The following SYT6 variants were observed in gnomAD, a reference collection of about 807,000 sequenced individuals.
The protein encoded by SYT6 is synaptotagmin-6.
In SYT6, 24 loss-of-function variants were observed where a neutral mutation model predicts 38.4. The observed-to-expected ratio is 0.62, with a 90% CI of 0.45 to 0.88. SYT6 has a LOEUF of 0.88. SYT6 is among the 40% of genes least tolerant of loss of function. The pLI is 0.00. For missense variants in SYT6, 611 were observed against 621.0 expected, an observed-to-expected ratio of 0.98 and a Z score of 0.17; for synonymous variants, 265 against 241.9, an observed-to-expected ratio of 1.10 and a Z score of -0.89.
rs576443917 is a variant in SYT6 at position 114,139,734 on chromosome 1, G to A, written c.393C>T (p.Ala131=). 469 of 1,614,118 alleles carry A rather than the reference G, an allele frequency of 2.9e-4. 4 individuals carry two copies. In the South Asian group the frequency reaches 4.5e-3, roughly 15 times the overall value. The change falls in exon 2 of 8, where the codon GCC becomes GCT. Residue 131 remains alanine, a synonymous_variant. Transcript: ENST00000610222. ...CTGGGGACGTGTGGCTGATCTTCAC[G>A]GCCGCCTCCAGGAAGCCCAGGGTGC... ...DPSTLGFLEA[A]VKISHTSPDI...
chr1:114,100,572 C>T (rs1200108941), intron 4 of SYT6, among the ~76,000 whole-genome samples: 2 of 152,228 alleles, frequency 1.3e-5, no homozygotes, highest in African/African-American at 2.4e-5. Flanking sequence ...AGTAGCTATG[C>T]CTTAACCATG....
At chr1:114,102,306 G>A (rs142145615) in intron 4 of SYT6, among the ~76,000 whole-genome samples, 1 of 152,328 alleles carries the variant, frequency 6.6e-6, no homozygotes, top group African/African-American at 2.4e-5. Context: ...GAAGAGGTCC[G>A]TTAATCTCTT....
At chr1:114,112,497 T>C (rs576622401) in intron 3 of SYT6, among the ~76,000 whole-genome samples, 5 of 152,312 alleles carry the variant, frequency 3.3e-5, no homozygotes, top group African/African-American at 1.2e-4. Flanking sequence ...CAGAACACAC[T>C]GGGAGGTGCA....
At chr1:114,120,070 C>CA (rs34846994) in intron 3 of SYT6, among the ~76,000 whole-genome samples, 63,404 of 121,606 alleles carry the variant, frequency 0.52, 14,527 homozygotes, top group African/African-American at 0.59. Context: ...GACTCTGTCT[C>CA]AAAAAAAAAA....
chr1:114,122,473 A>G (rs775208353), intron 3 of SYT6, among the ~76,000 whole-genome samples: 4 of 124,982 alleles, frequency 3.2e-5, no homozygotes, highest in Admixed American at 8.3e-5. Context: ...TGGACACAGC[A>G]TGTACATTTG....
At chr1:114,135,864 G>C (rs1322382548) in intron 3 of SYT6, among the ~76,000 whole-genome samples, 3 of 152,184 alleles carry the variant, frequency 2.0e-5, no homozygotes, top group Non-Finnish European at 4.4e-5. Flanking sequence ...TTCTCTACCT[G>C]TCCAGTTACC....
At chr1:114,146,248 T>C (rs978852245) in intron 1 of SYT6, among the ~76,000 whole-genome samples, 4 of 152,170 alleles carry the variant, frequency 2.6e-5, no homozygotes, top group Admixed American at 2.0e-4. Context: ...GAGGTGACTG[T>C]AGAAGATTCA....
At position 114,103,519 on chromosome 1, in the gene SYT6, A is replaced by G. The variant is rs898032533; in HGVS notation, c.1192+82T>C. The G allele has an allele frequency of 9.4e-5, 147 of 1,565,248 alleles. 1 individual carries two copies. Among genetic ancestry groups the G allele is most frequent in the Admixed American group, 3.9e-4 (22 of 56,154 alleles). ...GTGCTTCTATTCTAAGAATGCTGAC[A>G]ATTCTTTCTCCTTCTCCCCGAACAC... On this transcript the variant is annotated intron_variant, in intron 4 of 7. Transcript: ENST00000610222.
chr1:114,140,270 C>T (rs919390163), intron 1 of SYT6, among the ~76,000 whole-genome samples: 1 of 151,680 alleles, frequency 6.6e-6, no homozygotes, highest in Non-Finnish European at 1.5e-5. Context: ...TCTCTACTGG[C>T]TATTGGCACG....
In SYT6 at chr1:114,091,954, T is replaced by C. The variant is rs1675327478; in HGVS notation, c.*180A>G. 1 of 1,519,000 alleles carries C rather than the reference T, an allele frequency of 6.6e-7. No individual in the cohort carries two copies. The highest frequency in any genetic ancestry group is 8.8e-7 in the Non-Finnish European group (1 of 1,131,328). The allele number at this position is 1,519,000 out of a possible 1,614,324, so 94.1% of individuals were successfully genotyped here. On this transcript the variant is annotated 3_prime_UTR_variant, in exon 8 of 8. Coordinates refer to ENST00000610222, the MANE Select transcript of SYT6 (RefSeq NM_001253772.2). Reference sequence around the variant, plus strand: ...GACTGCACAACACTGTTTAGACGGTTGAACAAGTGCAAAGAGAACATTGCT... The same window carrying C: ...GACTGCACAACACTGTTTAGACGGTCGAACAAGTGCAAAGAGAACATTGCT...
chr1:114,134,785 G>A (rs1678378800), intron 3 of SYT6, among the ~76,000 whole-genome samples: 2 of 152,212 alleles, frequency 1.3e-5, no homozygotes, highest in Admixed American at 1.3e-4. Flanking sequence ...AATGGAATCA[G>A]ACACATGGGA....
chr1:114,124,045 T>C (rs1173801436), intron 3 of SYT6, among the ~76,000 whole-genome samples: 2 of 152,208 alleles, frequency 1.3e-5, no homozygotes, highest in East Asian at 1.9e-4. Context: ...ACTGGGAGGG[T>C]TGAGATAGAA....
intron 3 of SYT6, among the ~76,000 whole-genome samples, chr1:114,116,586 T>C (rs1171947462): frequency 6.6e-6 from 1 of 151,956 alleles, no homozygotes; most frequent in Admixed American, 6.6e-5. Context: ...CTTGGGAGAG[T>C]TGAAGGTGTC....
At chr1:114,149,492 G>A (rs915023412) in intron 1 of SYT6, among the ~76,000 whole-genome samples, 2 of 152,044 alleles carry the variant, frequency 1.3e-5, no homozygotes, top group African/African-American at 4.8e-5. Flanking sequence ...GATGAGGAGA[G>A]ACAATGCCAA....
At chr1:114,095,395 T>C (rs1365231115) in intron 6 of SYT6, among the ~76,000 whole-genome samples, 1 of 152,216 alleles carries the variant, frequency 6.6e-6, no homozygotes, top group South Asian at 2.1e-4. Context: ...TGGGGCCAAG[T>C]CCTGGCCCAT....
At chr1:114,143,040 A>G (rs1303819883) in intron 1 of SYT6, among the ~76,000 whole-genome samples, 1 of 151,792 alleles carries the variant, frequency 6.6e-6, no homozygotes, top group Non-Finnish European at 1.5e-5. Flanking sequence ...GTAAATTGAA[A>G]ACCATATGAA....
chr1:114,111,441 C>T (rs1011554291), intron 3 of SYT6, among the ~76,000 whole-genome samples: 81 of 152,190 alleles, frequency 5.3e-4, no homozygotes. Flanking sequence ...CACTTTCAGC[C>T]ATGACACCAT....
At chr1:114,124,044 G>T (rs1677577957) in intron 3 of SYT6, among the ~76,000 whole-genome samples, 1 of 152,212 alleles carries the variant, frequency 6.6e-6, no homozygotes, top group South Asian at 2.1e-4. Flanking sequence ...AACTGGGAGG[G>T]TTGAGATAGA....
chr1:114,134,328 C>T (rs1029060675), intron 3 of SYT6, among the ~76,000 whole-genome samples: 2 of 152,228 alleles, frequency 1.3e-5, no homozygotes, highest in Non-Finnish European at 2.9e-5. Flanking sequence ...AGGTTAACCC[C>T]ATTCAATTCC....
Sources: gnomAD v4.1 joint callset for allele counts (sites outside exome capture counted in the v4.1 genomes callset) on GRCh38, gnomAD v4.1.1 for gene constraint, MANE v1.5 for transcripts, NCBI Gene and HGNC (gene_info 2026-07-23, HGNC 2026-07-21) for gene names.